Variants in RPRD1A observed in about 807,000 individuals in gnomAD.
RPRD1A encodes regulation of nuclear pre-mRNA domain containing 1A.
In RPRD1A, 9 loss-of-function variants were observed where a neutral mutation model predicts 37.8. The observed-to-expected ratio is 0.24, with a 90% CI of 0.14 to 0.42. The LOEUF is 0.42. Among genes scored for constraint, RPRD1A ranks in the 10% least tolerant of loss-of-function variants. The pLI, the probability that RPRD1A is intolerant of heterozygous loss-of-function variation, is 1.00. For missense variants in RPRD1A, 255 were observed against 371.0 expected, an observed-to-expected ratio of 0.69 and a Z score of 2.57; for synonymous variants, 138 against 139.7, an observed-to-expected ratio of 0.99 and a Z score of 0.08.
At chr18:35,996,153 T>C (rs1291439266) in intron 6 of RPRD1A, among the ~76,000 whole-genome samples, 1 of 152,228 alleles carries the variant, frequency 6.6e-6, no homozygotes, top group East Asian at 1.9e-4. Flanking sequence ...GACAAATGTA[T>C]CATACTAATG....
At chr18:36,067,171 G>T (rs947079044) in intron 1 of RPRD1A, 83 bp downstream of exon 1, 38 of 1,433,080 alleles carry the variant, frequency 2.7e-5, no homozygotes, top group Middle Eastern at 2.3e-4. Flanking sequence ...GGGAAGCCGG[G>T]GGCGCTGGAG....
intron 1 of RPRD1A, among the ~76,000 whole-genome samples, chr18:36,036,810 C>T (rs1447698036): frequency 2.6e-5 from 4 of 151,976 alleles, no homozygotes; most frequent in African/African-American, 7.2e-5. Flanking sequence ...AAACAGTTAA[C>T]AGAAAGGGAA....
Position 36,033,791 on chromosome 18 carries a change from G to C in RPRD1A, c.198C>G (p.Val66=). Residue 66 remains valine (V), a synonymous_variant, in exon 2 of 7, where the codon GTC becomes GTG. Coordinates refer to ENST00000399022, the MANE Select transcript of RPRD1A (RefSeq NM_018170.5). ...KLTFLYLAND[V]IQNSKRKGPE... ...GCCCCTTCCTCTTGCTGTTCTGTAT[G>C]ACATCATTGGCTAGGTAGAGAAAAG... is the stretch of plus-strand genomic sequence containing the variant. 1 of 1,612,870 alleles carries C rather than the reference G, an allele frequency of 6.2e-7. No homozygotes were observed. The highest frequency in any genetic ancestry group is 1.1e-5 in the South Asian group (1 of 90,938).
intron 2 of RPRD1A, among the ~76,000 whole-genome samples, chr18:36,032,307 G>T (rs1398121157): frequency 1.3e-5 from 2 of 152,138 alleles, no homozygotes; most frequent in Non-Finnish European, 2.9e-5. Flanking sequence ...AAATATTTAT[G>T]CAGCCAATAA....
chr18:36,067,546 C>T lies in RPRD1A; in HGVS notation c.-142G>A. ...CCGCCGCTTCATCCAAGACCGGCCG[C>T]AAACCAGCAAGATGGCGTCCGGCCG... is the stretch of plus-strand genomic sequence containing the variant. On this transcript the variant is annotated 5_prime_UTR_variant, in exon 1 of 7. Coordinates refer to ENST00000399022, the MANE Select transcript of RPRD1A (RefSeq NM_018170.5). 1.3e-6 allele frequency: 1 copy of T among 789,006 alleles called. No homozygotes were observed. The allele number at this position is 789,006 out of a possible 1,614,324, so 48.9% of individuals were successfully genotyped here. A position where few individuals can be genotyped will look rare whatever the true frequency, so the allele number is the denominator to read the frequency against.
At chr18:36,004,462 C>T (rs762928873) in intron 6 of RPRD1A, among the ~76,000 whole-genome samples, 2 of 151,448 alleles carry the variant, frequency 1.3e-5, no homozygotes, top group Non-Finnish European at 2.9e-5. Flanking sequence ...GCTATGTTGC[C>T]CAGGCTGGTT....
intron 6 of RPRD1A, among the ~76,000 whole-genome samples, chr18:35,999,275 A>G (rs1909277881): frequency 6.6e-6 from 1 of 152,194 alleles, no homozygotes; most frequent in African/African-American, 2.4e-5. Context: ...TCTACTTCCT[A>G]TGTAAACCTG....
intron 1 of RPRD1A, among the ~76,000 whole-genome samples, chr18:36,061,402 T>C (rs2088908180): frequency 6.6e-6 from 1 of 152,152 alleles, no homozygotes; most frequent in East Asian, 1.9e-4. Context: ...TAAAAGAGGC[T>C]GGTACAAAGG....
Position 36,028,322 on chromosome 18 carries a change from G to A in RPRD1A, c.487-1012C>T, listed in dbSNP as rs576977412. On this transcript the variant is annotated intron_variant, in intron 4 of 6. Transcript: ENST00000399022. ...ACTAATAAGAAATATACTATCCTAC[G>A]TGTGCTCACTCATTAGAAGTGTTTA... 6.6e-5 allele frequency: 10 copies of A among 151,862 alleles called. No homozygotes were observed. In the East Asian group the frequency reaches 1.7e-3, roughly 26 times the overall value. 9.4% of individuals were successfully genotyped at this position (151,862 alleles called of 1,614,324 possible).
intron 6 of RPRD1A, among the ~76,000 whole-genome samples, chr18:36,011,508 C>G (rs527522923): frequency 8.2e-4 from 124 of 151,822 alleles, no homozygotes; most frequent in Non-Finnish European, 1.4e-3. Flanking sequence ...GCCAACAGAG[C>G]CAAAATAAGA....
chr18:36,021,906 T>C (rs1284505623), intron 6 of RPRD1A, among the ~76,000 whole-genome samples: 1 of 151,932 alleles, frequency 6.6e-6, no homozygotes, highest in Non-Finnish European at 1.5e-5. Context: ...GAGGCTGAAG[T>C]GGAAGGATTG....
intron 1 of RPRD1A, chr18:36,040,871 A>C (rs1309423410): frequency 6.7e-7 from 1 of 1,500,572 alleles, no homozygotes; most frequent in Non-Finnish European, 8.9e-7. Flanking sequence ...CCACTCTAAA[A>C]GGAAGCAATT....
intron 1 of RPRD1A, among the ~76,000 whole-genome samples, chr18:36,045,300 G>A (rs1019483503): frequency 6.6e-6 from 1 of 151,986 alleles, no homozygotes. Context: ...AATTGACAAA[G>A]GGAAAAAATT....
chr18:36,057,317 G>A (rs937509847), intron 1 of RPRD1A, among the ~76,000 whole-genome samples: 54 of 150,850 alleles, frequency 3.6e-4, no homozygotes, highest in African/African-American at 1.1e-3. Context: ...AACACTAAAC[G>A]TTTATCTAGC....
At chr18:36,019,442 C>T (rs894101841) in intron 6 of RPRD1A, among the ~76,000 whole-genome samples, 4 of 151,998 alleles carry the variant, frequency 2.6e-5, no homozygotes, top group Admixed American at 2.6e-4. Context: ...GTGATGGGAT[C>T]TGATTTCTTA....
At chr18:36,028,713 G>C (rs1038799611) in intron 4 of RPRD1A, among the ~76,000 whole-genome samples, 1 of 152,056 alleles carries the variant, frequency 6.6e-6, no homozygotes, top group African/African-American at 2.4e-5. Context: ...TGAGTTTAAC[G>C]GGAACCTACA....
intron 6 of RPRD1A, among the ~76,000 whole-genome samples, chr18:36,001,441 T>C (rs1422425575): frequency 1.3e-5 from 2 of 152,248 alleles, no homozygotes; most frequent in African/African-American, 4.8e-5. Flanking sequence ...TCTAACATTT[T>C]AGCCTCACTC....
chr18:36,015,650 GA>G (rs1456252792), intron 6 of RPRD1A, among the ~76,000 whole-genome samples: 1 of 152,184 alleles, frequency 6.6e-6, no homozygotes, highest in Non-Finnish European at 1.5e-5. Flanking sequence ...AAAAAGGAAG[GA>G]AATTCTGACA....
intron 1 of RPRD1A, among the ~76,000 whole-genome samples, chr18:36,059,283 G>A (rs1008442591): frequency 2.0e-5 from 3 of 151,892 alleles, no homozygotes; most frequent in African/African-American, 4.8e-5. Flanking sequence ...GATTACAGAT[G>A]TGCACCACCA....
Sources: allele counts gnomAD v4.1 joint callset (sites outside exome capture counted in the v4.1 genomes callset), GRCh38; gene constraint gnomAD v4.1.1; transcripts MANE v1.5; gene names NCBI Gene and HGNC (gene_info 2026-07-23, HGNC 2026-07-21).